The following TULP2 variants were observed in gnomAD, a reference collection of about 807,000 sequenced individuals.
The protein encoded by TULP2 is tubby-related protein 2.
Under a neutral mutation model 60.3 loss-of-function variants are expected in TULP2, and 64 were observed. The ratio of observed to expected loss-of-function variants is 1.06; its 90% CI spans 0.87 to 1.31. The LOEUF (loss-of-function observed/expected upper bound fraction) is 1.31, where lower values mean the gene tolerates loss of function less well. TULP2 is among the 50% of genes most tolerant of loss of function. TULP2 has a pLI of 0.00. For synonymous variants in TULP2, 267 were observed against 265.4 expected (o/e 1.01, Z -0.06); for missense variants, 652 against 667.0 (o/e 0.98, Z 0.25).
intron 12 of TULP2, 67 bp from the exon 13 acceptor site, chr19:48,881,193 CTTTTTTTTTTTTTTTTTCT>C (rs1482770596): frequency 0.013 from 3,895 of 292,596 alleles, no homozygotes; most frequent in Non-Finnish European, 0.017. Context: ...AGAACTGAGA[CTTTTTTTTTTTTTTTTTCT>C]TTTTTTTTTT....
rs1344337971 is a variant in TULP2 at position 48,881,197 on chromosome 19, TTTTTTTTTTTTTTC to T, written c.1448-85_1448-72del. On this transcript the variant is annotated intron_variant, in intron 12 of 12. Coordinates refer to ENST00000221399, the MANE Select transcript of TULP2 (RefSeq NM_003323.3). ...TCCCAGCTTCGAGAACTGAGACTTTTTTTTTTTTTTTTTCTTTTTTTTTTTTTTTTGAGACAGAG... is the reference window on the plus strand; with the variant it reads ...TCCCAGCTTCGAGAACTGAGACTTTTTTTTTTTTTTTTTTTTGAGACAGAG... The T allele has an allele frequency of 9.2e-3, 4,895 of 533,800 alleles. 42 individuals are homozygous for T. The highest frequency in any genetic ancestry group is 0.055 in the African/African-American group (730 of 13,202). 33.1% of individuals were successfully genotyped at this position (533,800 alleles called of 1,614,324 possible). A position where few individuals can be genotyped will look rare whatever the true frequency, so the allele number is the denominator to read the frequency against.
intron 11 of TULP2, 100 bp downstream of exon 11, chr19:48,883,654 C>T: frequency 7.5e-7 from 1 of 1,325,210 alleles, no homozygotes; most frequent in South Asian, 1.3e-5. Flanking sequence ...AACCCACTGG[C>T]CTCCTCTTCC....
chr19:48,882,422 C>T (rs2037143026), intron 11 of TULP2, among the ~76,000 whole-genome samples: 1 of 152,146 alleles, frequency 6.6e-6, no homozygotes, highest in Non-Finnish European at 1.5e-5. Context: ...GTTAGAAATG[C>T]TTGTTCCCCG....
intron 12 of TULP2, among the ~76,000 whole-genome samples, 186 bp downstream of exon 12, chr19:48,881,846 G>T (rs887796663): frequency 2.6e-5 from 4 of 152,148 alleles, no homozygotes; most frequent in African/African-American, 9.7e-5. Flanking sequence ...GAGGCTGAGC[G>T]GTGCCCTTAC....
At chr19:48,895,570 C>A in intron 4 of TULP2, 67 bp from the exon 5 acceptor site, 1 of 1,548,618 alleles carries the variant, frequency 6.5e-7, no homozygotes, top group Non-Finnish European at 8.7e-7. Context: ...AAAATCCACC[C>A]CGTCACTGGG....
At chr19:48,892,703 C>T (rs56317021) in intron 6 of TULP2, among the ~76,000 whole-genome samples, 15,969 of 151,898 alleles carry the variant, frequency 0.11, 1,175 homozygotes, top group Non-Finnish European at 0.16. Flanking sequence ...TGGGGTTTCA[C>T]TGTGGTCTCG....
Position 48,887,940 on chromosome 19 carries a change from C to T in TULP2, c.948+10G>A. The T allele has an allele frequency of 6.2e-7, 1 of 1,604,320 alleles. No homozygotes were observed. Among genetic ancestry groups the T allele is most frequent in the Non-Finnish European group, 8.5e-7 (1 of 1,172,508 alleles). Reference sequence around the variant, plus strand: ...CTTACTCCCAAAGCTGTTGGGCTGGCTTACTGCACCTGCAGGCTGTCAGAG... The same window carrying T: ...CTTACTCCCAAAGCTGTTGGGCTGGTTTACTGCACCTGCAGGCTGTCAGAG... On this transcript the variant is annotated intron_variant, in intron 8 of 12. Transcript: ENST00000221399.
intron 5 of TULP2, 30 bp from the exon 6 acceptor site, chr19:48,895,192 T>G: frequency 1.9e-6 from 3 of 1,607,958 alleles, no homozygotes; most frequent in Non-Finnish European, 2.5e-6. Flanking sequence ...AGAGTTGGAT[T>G]TCTGGATGCT....
chr19:48,892,313 C>T (rs560749591), intron 6 of TULP2, among the ~76,000 whole-genome samples: 1 of 152,304 alleles, frequency 6.6e-6, no homozygotes, highest in African/African-American at 2.4e-5. Flanking sequence ...TGTTATGTTT[C>T]TGGTTAATAG....
At position 48,883,966 on chromosome 19, in the gene TULP2, G is replaced by C; in HGVS notation, c.1142C>G (p.Ala381Gly). Residue 381 changes from alanine (A) to glycine (G), a missense_variant, in exon 10 of 13, where the codon GCC becomes GGC. By Grantham distance (60) the Ala-to-Gly change is moderately conservative. Transcript: ENST00000221399. ...PDREHLTRNT[A>G]RIRQELGAVC... ...AGCCCCCAGCTCCTGTCTGATCCGGGCAGTATTCCTGGTTAAATGCTCCCG... is the reference window on the plus strand; with the variant it reads ...AGCCCCCAGCTCCTGTCTGATCCGGCCAGTATTCCTGGTTAAATGCTCCCG... The C allele has an allele frequency of 6.2e-7, 1 of 1,614,078 alleles. No homozygotes were observed.
At chr19:48,896,377 A>G (rs2037281190) in intron 4 of TULP2, 53 bp downstream of exon 4, 9 of 1,528,882 alleles carry the variant, frequency 5.9e-6, no homozygotes, top group African/African-American at 5.7e-5. Context: ...CCGCCCACAG[A>G]CTCCCACAGG....
chr19:48,894,154 T>C (rs1172801741), intron 6 of TULP2, among the ~76,000 whole-genome samples: 1 of 151,910 alleles, frequency 6.6e-6, no homozygotes, highest in Non-Finnish European at 1.5e-5. Flanking sequence ...TGCCTTGGCC[T>C]CCGGAGTATC....
intron 8 of TULP2, among the ~76,000 whole-genome samples, chr19:48,887,311 C>CTTTTTT (rs58640342): frequency 0.011 from 446 of 39,372 alleles, 133 homozygotes; most frequent in East Asian, 0.069. Context: ...GCGCCCAGCC[C>CTTTTTT]TTTTTTTTTT....
At chr19:48,889,366 G>GCACA in intron 7 of TULP2, 144 bp downstream of exon 7, 12 of 1,263,046 alleles carry the variant, frequency 9.5e-6, no homozygotes, top group African/African-American at 1.5e-5. Flanking sequence ...ACGCACGCAC[G>GCACA]CACACACACA....
At position 48,895,504 on chromosome 19, in the gene TULP2, C is replaced by G; in HGVS notation, c.212-1G>C. The G allele has an allele frequency of 1.2e-6, 2 of 1,601,706 alleles. No individual in the cohort carries two copies. Among genetic ancestry groups the G allele is most frequent in the Non-Finnish European group, 1.7e-6 (2 of 1,170,798 alleles). On this transcript the variant is annotated splice_acceptor_variant, in intron 4 of 12. Coordinates refer to ENST00000221399, the MANE Select transcript of TULP2 (RefSeq NM_003323.3). LOFTEE classifies it high-confidence loss of function. ...TTCCGGAGGAAAGGGTTCCCAAGGCCTGGGAGAAGGTTCAGCGAGCCCATG... is the reference window on the plus strand; with the variant it reads ...TTCCGGAGGAAAGGGTTCCCAAGGCGTGGGAGAAGGTTCAGCGAGCCCATG...
chr19:48,897,515 CAGG>C lies in TULP2; in HGVS notation c.33-122_33-120del. 2.9e-6 allele frequency: 3 copies of C among 1,041,190 alleles called. No homozygotes were observed. The highest frequency in any genetic ancestry group is 4.4e-6 in the Non-Finnish European group (3 of 688,746). 64.5% of individuals were successfully genotyped at this position (1,041,190 alleles called of 1,614,324 possible). ...TGGGTTCTGGGCACCTGTGAGGTCACAGGAGGTGCAGAACCTGAGCCTGCTCCA... is the reference window on the plus strand; with the variant it reads ...TGGGTTCTGGGCACCTGTGAGGTCACAGGTGCAGAACCTGAGCCTGCTCCA... On this transcript the variant is annotated intron_variant, in intron 2 of 12. Coordinates refer to ENST00000221399, the MANE Select transcript of TULP2 (RefSeq NM_003323.3). This position sits in a 1 kb window ranked among gnomAD's most constrained non-coding sequence, Gnocchi z 4.0.
chr19:48,897,948 C>CTTAT lies in TULP2; in HGVS notation c.-1-83_-1-80dup, dbSNP rs60572211. ...TGCCCACCAGCACCTAATCTTTAGC[C>CTTAT]TTATTTATTTATTTATTTATTTATT... is the stretch of plus-strand genomic sequence containing the variant. On this transcript the variant is annotated intron_variant, in intron 1 of 12. Coordinates refer to ENST00000221399, the MANE Select transcript of TULP2 (RefSeq NM_003323.3). This position sits in a 1 kb window ranked among gnomAD's most constrained non-coding sequence, Gnocchi z 4.0. 239,070 of 628,098 alleles carry CTTAT rather than the reference C, an allele frequency of 0.38. 50,750 individuals are homozygous for CTTAT. Among genetic ancestry groups the CTTAT allele is most frequent in the East Asian group, 0.43 (11,184 of 26,268 alleles). 38.9% of individuals were successfully genotyped at this position (628,098 alleles called of 1,614,324 possible). A position where few individuals can be genotyped will look rare whatever the true frequency, so the allele number is the denominator to read the frequency against.
rs747424197 is a variant in TULP2 at position 48,895,057 on chromosome 19, G to A, written c.455C>T (p.Pro152Leu). The A allele has an allele frequency of 4.3e-6, 7 of 1,614,148 alleles. No homozygotes were observed. Among genetic ancestry groups the A allele is most frequent in the Non-Finnish European group, 4.2e-6 (5 of 1,180,028 alleles). The part of the protein sequence containing the change: ...VSVENGSVSP[P>L]PFKQSPRIRR... ...GATTCTCGGAGACTGTTTAAAAGGT[G>A]GGGGAGAGACGGAACCATTCTCCAC... Residue 152 changes from proline to leucine, a missense_variant, in exon 6 of 13, where the codon CCA (proline) becomes CTA (leucine). Transcript: ENST00000221399.
Position 48,897,952 on chromosome 19 carries a change from T to TTTAC in TULP2, c.-1-84_-1-83insGTAA. ...CACCAGCACCTAATCTTTAGCCTTATTTATTTATTTATTTATTTATTTATT... is the reference window on the plus strand; with the variant it reads ...CACCAGCACCTAATCTTTAGCCTTATTTACTTATTTATTTATTTATTTATTTATT... On this transcript the variant is annotated intron_variant, in intron 1 of 12. Coordinates refer to ENST00000221399, the MANE Select transcript of TULP2 (RefSeq NM_003323.3). The surrounding 1 kb of genome is among the most constrained non-coding windows in gnomAD (Gnocchi z 4.0). The TTTAC allele has an allele frequency of 1.8e-6, 1 of 554,416 alleles. No individual in the cohort carries two copies. The allele number at this position is 554,416 out of a possible 1,614,324, so 34.3% of individuals were successfully genotyped here. A position where few individuals can be genotyped will look rare whatever the true frequency, so the allele number is the denominator to read the frequency against.
Sources: allele counts gnomAD v4.1 joint callset (sites outside exome capture counted in the v4.1 genomes callset), GRCh38; gene constraint gnomAD v4.1.1; non-coding constraint Gnocchi (gnomAD v3.1); transcripts MANE v1.5; gene names NCBI Gene and HGNC (gene_info 2026-07-23, HGNC 2026-07-21).